Variants in NGLY1 observed in about 807,000 individuals in gnomAD.
NGLY1 encodes N-glycanase 1.
NGLY1 carries 68 observed loss-of-function variants against 84.6 expected under a neutral mutation model. The observed-to-expected ratio is 0.80, with a 90% CI of 0.66 to 0.98. NGLY1 has a LOEUF of 0.98. Among genes scored for constraint, NGLY1 ranks in the 50% least tolerant of loss-of-function variants. The pLI, the probability that NGLY1 is intolerant of heterozygous loss-of-function variation, is 0.00. For missense variants in NGLY1, 779 were observed against 770.2 expected (o/e 1.01, Z -0.14); for synonymous variants, 280 against 275.2 (o/e 1.02, Z -0.17).
intron 10 of NGLY1, among the ~76,000 whole-genome samples, chr3:25,723,761 T>TA (rs955087475): frequency 6.6e-6 from 1 of 152,058 alleles, no homozygotes; most frequent in Non-Finnish European, 1.5e-5. Context: ...AAATTTTTTT[T>TA]AAATTTATTG....
At chr3:25,745,710 C>G (rs1312310267) in intron 4 of NGLY1, among the ~76,000 whole-genome samples, 1 of 152,116 alleles carries the variant, frequency 6.6e-6, no homozygotes, top group Non-Finnish European at 1.5e-5. Flanking sequence ...AATTAGATTA[C>G]TATTGTGTTT....
At chr3:25,758,693 T>C (rs1231585125) in intron 3 of NGLY1, among the ~76,000 whole-genome samples, 1 of 152,186 alleles carries the variant, frequency 6.6e-6, no homozygotes, top group East Asian at 1.9e-4. Flanking sequence ...ATATAACACA[T>C]AAACAAATGA....
chr3:25,741,966 A>G (rs145627802), intron 4 of NGLY1, among the ~76,000 whole-genome samples: 156 of 152,298 alleles, frequency 1.0e-3, no homozygotes, highest in African/African-American at 3.6e-3. Flanking sequence ...GCGCCACTGC[A>G]CTCCAATCTG....
At chr3:25,789,994 T>C (rs1211807194) in exon 1 of NGLY1, 1 of 1,171,402 alleles carries the variant, frequency 8.5e-7, no homozygotes, top group Non-Finnish European at 1.2e-6. Flanking sequence ...CGGCTTAAAG[T>C]CAACCGGCGG....
chr3:25,737,540 T>C, intron 5 of NGLY1, 85 bp from the exon 6 acceptor site: 5 of 1,291,632 alleles, frequency 3.9e-6, no homozygotes, highest in Non-Finnish European at 4.1e-6. Context: ...AACAGAAATG[T>C]TTAATTTTTT....
At chr3:25,772,551 C>G (rs1339680875) in intron 2 of NGLY1, among the ~76,000 whole-genome samples, 1 of 152,142 alleles carries the variant, frequency 6.6e-6, no homozygotes, top group Non-Finnish European at 1.5e-5. Flanking sequence ...AAGTGAGTCT[C>G]TTAGAGACAG....
rs115960434 is a variant in NGLY1, at chr3:25,727,302, T to C, written c.1611+1831A>G. On this transcript the variant is annotated intron_variant, in intron 10 of 11. Coordinates refer to ENST00000280700, the MANE Select transcript of NGLY1 (RefSeq NM_018297.4). ...AGTATATCAAGGCATAAGCTTTACTTGAATAGGGGTGTGTTTTCTATTTAA... is the reference window on the plus strand; with the variant it reads ...AGTATATCAAGGCATAAGCTTTACTCGAATAGGGGTGTGTTTTCTATTTAA... Among the ~76,000 whole-genome samples the C allele has an allele frequency of 4.4e-3, 677 of 152,348 alleles. 6 individuals are homozygous for C. The highest frequency in any genetic ancestry group is 0.015 in the African/African-American group (636 of 41,574).
intron 2 of NGLY1, among the ~76,000 whole-genome samples, chr3:25,772,542 A>G (rs1224241684): frequency 6.6e-6 from 1 of 152,138 alleles, no homozygotes; most frequent in Non-Finnish European, 1.5e-5. Context: ...TTATGTATTA[A>G]GTGAGTCTCT....
At chr3:25,725,903 TTAATC>T (rs1432613403) in intron 10 of NGLY1, among the ~76,000 whole-genome samples, 1 of 152,196 alleles carries the variant, frequency 6.6e-6, no homozygotes, top group East Asian at 1.9e-4. Context: ...TTTACCCCCA[TTAATC>T]TAAACAGTTG....
chr3:25,774,807 T>G (rs1708079618), intron 2 of NGLY1, among the ~76,000 whole-genome samples: 1 of 148,048 alleles, frequency 6.8e-6, no homozygotes, highest in East Asian at 2.0e-4. Flanking sequence ...CATTTCCCAT[T>G]TGCCACCTCC....
At chr3:25,759,900 A>G (rs1373402279) in intron 3 of NGLY1, among the ~76,000 whole-genome samples, 5 of 137,078 alleles carry the variant, frequency 3.6e-5, no homozygotes, top group Non-Finnish European at 4.7e-5. Flanking sequence ...TAGCAAATTC[A>G]CTTCTTTAGT....
chr3:25,787,426 C>A (rs1305870903), upstream of NGLY1, among the ~76,000 whole-genome samples: 1 of 152,154 alleles, frequency 6.6e-6, no homozygotes, highest in Non-Finnish European at 1.5e-5. Flanking sequence ...TCCAACCCAC[C>A]CTGCTCATTT....
At chr3:25,726,197 T>C (rs2035696) in intron 10 of NGLY1, among the ~76,000 whole-genome samples, 103,228 of 152,046 alleles carry the variant, frequency 0.68, 39,686 homozygotes, top group East Asian at 0.94. Context: ...GTGCTCTACA[T>C]AGCCCTAGGG....
intron 2 of NGLY1, among the ~76,000 whole-genome samples, chr3:25,768,034 AC>A (rs1367177149): frequency 6.9e-6 from 1 of 145,852 alleles, no homozygotes; most frequent in Non-Finnish European, 1.5e-5. Context: ...AATCACTTGA[AC>A]CCCAGAGGCG....
At chr3:25,738,742 C>T (rs1705971118) in intron 5 of NGLY1, among the ~76,000 whole-genome samples, 1 of 151,886 alleles carries the variant, frequency 6.6e-6, no homozygotes, top group Non-Finnish European at 1.5e-5. Flanking sequence ...AATCCTCCTG[C>T]CTCAGCCTCC....
intron 3 of NGLY1, among the ~76,000 whole-genome samples, chr3:25,761,715 A>C (rs1315499986): frequency 6.6e-6 from 1 of 152,222 alleles, no homozygotes; most frequent in Non-Finnish European, 1.5e-5. Context: ...GAATCTACTC[A>C]AGAGAAATAA....
intron 3 of NGLY1, 72 bp from the exon 4 acceptor site, chr3:25,751,335 T>C: frequency 8.0e-7 from 1 of 1,252,334 alleles, no homozygotes; most frequent in South Asian, 2.0e-5. Flanking sequence ...ATAAAAAAAC[T>C]GTGGTTTTAT....
rs753425724 is a variant in NGLY1 at position 25,737,351 on chromosome 3, T to C, written c.986A>G (p.Tyr329Cys). 4 of 1,613,132 alleles carry C rather than the reference T, an allele frequency of 2.5e-6. No individual in the cohort carries two copies. Among genetic ancestry groups the C allele is most frequent in the South Asian group, 1.1e-5 (1 of 90,876 alleles). ...CCRAVGFEAR[Y>C]VWDYTDHVWT... ...TTCTGTACCTGTGTAATCCCAAACA[T>C]AGCGAGCTTCAAACCCTACAGCTCG... Residue 329 changes from tyrosine (Y) to cysteine (C), a missense_variant, in exon 6 of 12, where the codon TAT (tyrosine) becomes TGT (cysteine). Transcript: ENST00000280700.
chr3:25,736,293 C>A (rs764365820), intron 6 of NGLY1, 144 bp from the exon 7 acceptor site: 1 of 1,550,810 alleles, frequency 6.4e-7, no homozygotes, highest in South Asian at 1.2e-5. Flanking sequence ...TTGTGGCACA[C>A]AGGATTTTAG....
Sources: allele counts gnomAD v4.1 joint callset (sites outside exome capture counted in the v4.1 genomes callset), GRCh38; gene constraint gnomAD v4.1.1; transcripts MANE v1.5; gene names NCBI Gene and HGNC (gene_info 2026-07-23, HGNC 2026-07-21).